Variants in TBC1D1 observed in about 807,000 individuals in gnomAD.
TBC1D1 encodes the protein TBC1 domain family member 1.
Under a neutral mutation model 125.6 loss-of-function variants are expected in TBC1D1, and 89 were observed. The observed-to-expected ratio is 0.71, with a 90% CI of 0.60 to 0.85. The LOEUF (loss-of-function observed/expected upper bound fraction) is 0.85. Among genes scored for constraint, TBC1D1 ranks in the 40% least tolerant of loss-of-function variants. The pLI, the probability that TBC1D1 is intolerant of heterozygous loss-of-function variation, is 0.00. For missense variants in TBC1D1, 1,377 were observed against 1,469.2 expected, an observed-to-expected ratio of 0.94 and a Z score of 1.03; for synonymous variants, 565 against 564.1, an observed-to-expected ratio of 1.00 and a Z score of -0.02.
chr4:37,992,204 G>A (rs1004193702), intron 2 of TBC1D1, among the ~76,000 whole-genome samples: 4 of 152,172 alleles, frequency 2.6e-5, no homozygotes, highest in Non-Finnish European at 5.9e-5. Context: ...GATGGATGTA[G>A]GGAGATGCCA....
chr4:38,132,011 T>C (rs1330991660), intron 18 of TBC1D1, among the ~76,000 whole-genome samples: 1 of 152,132 alleles, frequency 6.6e-6, no homozygotes, highest in Non-Finnish European at 1.5e-5. Context: ...TTTTTGAAAA[T>C]TGATTCCAGG....
At chr4:38,124,298 G>A (rs1003379564) in intron 17 of TBC1D1, among the ~76,000 whole-genome samples, 1 of 152,240 alleles carries the variant, frequency 6.6e-6, no homozygotes, top group South Asian at 2.1e-4. Flanking sequence ...TGCCTTGGCC[G>A]GTGCCCTCCC....
chr4:38,067,451 G>T (rs1346052576), intron 12 of TBC1D1, among the ~76,000 whole-genome samples: 5 of 152,214 alleles, frequency 3.3e-5, no homozygotes, highest in African/African-American at 1.2e-4. Context: ...ACAGTTGCCA[G>T]GGGACGGCTT....
At chr4:38,012,492 C>T (rs1365275620) in intron 2 of TBC1D1, among the ~76,000 whole-genome samples, 1 of 152,196 alleles carries the variant, frequency 6.6e-6, no homozygotes, top group Non-Finnish European at 1.5e-5. Flanking sequence ...CCAGGATGGT[C>T]TTGAGCTCCT....
chr4:38,063,561 T>C (rs1753140445), intron 12 of TBC1D1, among the ~76,000 whole-genome samples: 1 of 152,246 alleles, frequency 6.6e-6, no homozygotes, highest in Admixed American at 6.5e-5. Flanking sequence ...AAATGTACAA[T>C]TCAATGTTGT....
At chr4:37,953,025 G>A (rs527809479) in intron 2 of TBC1D1, among the ~76,000 whole-genome samples, 32 of 152,306 alleles carry the variant, frequency 2.1e-4, no homozygotes, top group Non-Finnish European at 4.1e-4. Context: ...TGGATATGCC[G>A]TGTATTGTCT....
intron 12 of TBC1D1, among the ~76,000 whole-genome samples, chr4:38,073,633 T>C (rs1755078495): frequency 6.6e-6 from 1 of 152,232 alleles, no homozygotes; most frequent in Non-Finnish European, 1.5e-5. Context: ...ACTTAAATCA[T>C]GGCCCTTCCA....
chr4:38,130,536 G>T (rs1044998208), intron 18 of TBC1D1, among the ~76,000 whole-genome samples: 2 of 152,208 alleles, frequency 1.3e-5, no homozygotes, highest in East Asian at 3.8e-4. Context: ...TGACAGGAAG[G>T]CTCTAGATCC....
At chr4:37,956,951 A>G (rs1365269123) in intron 2 of TBC1D1, among the ~76,000 whole-genome samples, 2 of 152,230 alleles carry the variant, frequency 1.3e-5, no homozygotes, top group East Asian at 3.9e-4. Context: ...AAGAAAAAAA[A>G]AAAAAAGAAG....
rs765672960 is a variant in TBC1D1 at position 38,137,565 on chromosome 4, A to T, written c.*230A>T. On this transcript the variant is annotated 3_prime_UTR_variant, in exon 20 of 20. Transcript: ENST00000261439. The stretch of plus-strand genomic sequence containing the variant: ...AATCGTCCCTTCTCCAGTCCTGATT[A>T]CTGTACACAGTAGCTTTAGATGGCG... 1.3e-5 allele frequency: 6 copies of T among 470,050 alleles called. No individual in the cohort carries two copies. Among genetic ancestry groups the T allele is most frequent in the Non-Finnish European group, 2.1e-5 (6 of 286,258 alleles). 29.1% of individuals were successfully genotyped at this position (470,050 alleles called of 1,614,324 possible).
In TBC1D1 at chr4:37,976,876, C is replaced by T. The variant is rs553721755; in HGVS notation, c.418-37633C>T. ...TCTCAATGGCCGAGTTTCCTGACTC[C>T]AAGAAAACCACCTTTGATTATATAA... On this transcript the variant is annotated intron_variant, in intron 2 of 19. Transcript: ENST00000261439. 1.1e-4 allele frequency among the ~76,000 whole-genome samples: 16 copies of T among 152,230 alleles called. No individual in the cohort carries two copies. In the South Asian group the frequency reaches 3.1e-3, roughly 30 times the overall value.
intron 2 of TBC1D1, chr4:37,952,414 G>A (rs1311348653): frequency 6.1e-5 from 19 of 312,550 alleles, no homozygotes; most frequent in Non-Finnish European, 8.1e-5. Flanking sequence ...TAAAGAAAAT[G>A]TGGTACATAC....
chr4:38,014,811 C>T lies in TBC1D1; in HGVS notation c.720C>T (p.Gly240=), dbSNP rs1742325179. The T allele has an allele frequency of 6.2e-7, 1 of 1,610,946 alleles. No homozygotes were observed. Residue 240 remains glycine, a synonymous_variant, in exon 3 of 20, where the codon GGC becomes GGT. Transcript: ENST00000261439. This position sits in a 1 kb window ranked among gnomAD's most constrained non-coding sequence, Gnocchi z 5.1. ...TGCGCAAGTCCTTCTCCCAGCCCGG[C>T]CTGCGCTCGCTGGCCTTTAGGAAGG...
At chr4:38,072,001 G>GCT (rs1754785706) in intron 12 of TBC1D1, among the ~76,000 whole-genome samples, 1 of 152,164 alleles carries the variant, frequency 6.6e-6, no homozygotes, top group Non-Finnish European at 1.5e-5. Context: ...GGGGTTGGGC[G>GCT]GGTCTGGGCT....
chr4:38,124,680 T>C (rs569389748), intron 17 of TBC1D1, among the ~76,000 whole-genome samples: 1 of 152,282 alleles, frequency 6.6e-6, no homozygotes, highest in Admixed American at 6.5e-5. Flanking sequence ...CCTGGAAAAA[T>C]AGACTAATAA....
intron 12 of TBC1D1, among the ~76,000 whole-genome samples, chr4:38,085,479 G>A (rs920355440): frequency 6.6e-6 from 1 of 152,144 alleles, no homozygotes; most frequent in African/African-American, 2.4e-5. Context: ...TTGGGCAGTC[G>A]GCGGTGAATA....
At chr4:38,001,668 A>G (rs929429890) in intron 2 of TBC1D1, among the ~76,000 whole-genome samples, 1 of 152,228 alleles carries the variant, frequency 6.6e-6, no homozygotes, top group Non-Finnish European at 1.5e-5. Context: ...ATTATAAGGC[A>G]TTCCTAATAT....
intron 2 of TBC1D1, among the ~76,000 whole-genome samples, chr4:37,925,996 A>G (rs1474835504): frequency 1.3e-5 from 2 of 152,242 alleles, no homozygotes; most frequent in Non-Finnish European, 2.9e-5. Context: ...TTCTGTTTGA[A>G]GGACATTTAT....
chr4:37,909,139 G>T (rs980563270), intron 2 of TBC1D1, among the ~76,000 whole-genome samples: 4 of 152,086 alleles, frequency 2.6e-5, no homozygotes, highest in Non-Finnish European at 5.9e-5. Context: ...CTTGCATGAG[G>T]CCCTGTAAGC....
Sources: allele counts gnomAD v4.1 joint callset (sites outside exome capture counted in the v4.1 genomes callset), GRCh38; gene constraint gnomAD v4.1.1; non-coding constraint Gnocchi (gnomAD v3.1); transcripts MANE v1.5; gene names NCBI Gene and HGNC (gene_info 2026-07-23, HGNC 2026-07-21).